The following CDC42BPA variants were observed in gnomAD, a reference collection of about 807,000 sequenced individuals.
CDC42BPA encodes the protein serine/threonine-protein kinase MRCK alpha.
In CDC42BPA, 80 loss-of-function variants were observed where a neutral mutation model predicts 223.5. The observed-to-expected ratio is 0.36, with a 90% CI of 0.30 to 0.43. The LOEUF (loss-of-function observed/expected upper bound fraction) is 0.43, where lower values mean the gene tolerates loss of function less well. Ranked by LOEUF, CDC42BPA falls within the 20% of genes least tolerant of loss-of-function variation. CDC42BPA has a pLI of 1.00. For synonymous variants in CDC42BPA, 694 were observed against 718.6 expected, an observed-to-expected ratio of 0.97 and a Z score of 0.55; for missense variants, 1,743 against 2,099.9, an observed-to-expected ratio of 0.83 and a Z score of 3.32.
At chr1:227,215,437 T>C (rs915975127) in intron 2 of CDC42BPA, among the ~76,000 whole-genome samples, 1 of 152,134 alleles carries the variant, frequency 6.6e-6, no homozygotes, top group Admixed American at 6.5e-5. Context: ...ATCATTGTGG[T>C]AAAGATTTGA....
chr1:227,206,596 C>T (rs974291160), intron 3 of CDC42BPA, among the ~76,000 whole-genome samples: 2 of 152,058 alleles, frequency 1.3e-5, no homozygotes, highest in African/African-American at 4.8e-5. Context: ...GTCTTGTTTT[C>T]CAAAGTTGGA....
At chr1:227,154,227 C>G (rs1662311674) in intron 6 of CDC42BPA, among the ~76,000 whole-genome samples, 2 of 151,688 alleles carry the variant, frequency 1.3e-5, no homozygotes, top group Non-Finnish European at 3.0e-5. Flanking sequence ...AGAATCATAA[C>G]AAAAAAACTC....
intron 21 of CDC42BPA, among the ~76,000 whole-genome samples, chr1:227,052,914 G>C (rs1673836855): frequency 6.6e-6 from 1 of 152,072 alleles, no homozygotes; most frequent in African/African-American, 2.4e-5. Flanking sequence ...TGGCAAAGTA[G>C]AACTATTAAA....
intron 20 of CDC42BPA, among the ~76,000 whole-genome samples, chr1:227,071,894 T>C (rs1329882497): frequency 2.0e-5 from 3 of 151,660 alleles, no homozygotes; most frequent in Admixed American, 6.6e-5. Context: ...TTTTTTCCAA[T>C]CACAAAAATG....
At chr1:227,190,120 A>C (rs1669471522) in intron 5 of CDC42BPA, among the ~76,000 whole-genome samples, 1 of 152,132 alleles carries the variant, frequency 6.6e-6, no homozygotes, top group Non-Finnish European at 1.5e-5. Context: ...ATTTTCCAAA[A>C]CTACTATTTA....
At position 227,181,280 on chromosome 1, in the gene CDC42BPA, T is replaced by C. The variant is rs541930076; in HGVS notation, c.599+12506A>G. Among the ~76,000 whole-genome samples, 5 of 152,320 alleles carry C rather than the reference T, an allele frequency of 3.3e-5. No individual in the cohort carries two copies. In the South Asian group the frequency reaches 1.0e-3, roughly 32 times the overall value. On this transcript the variant is annotated intron_variant, in intron 5 of 36. Transcript: ENST00000366766. ...TTAACACAGGGAAAAAAACCCACCA[T>C]TTTGTTAAAAAGCATAAAGATGGAC...
chr1:227,292,165 T>G (rs1456086769), intron 1 of CDC42BPA, among the ~76,000 whole-genome samples: 1 of 152,056 alleles, frequency 6.6e-6, no homozygotes, highest in Non-Finnish European at 1.5e-5. Context: ...GTATTCTTAG[T>G]AGAGATGGGG....
intron 14 of CDC42BPA, among the ~76,000 whole-genome samples, chr1:227,104,587 T>C (rs9426602): frequency 0.28 from 43,123 of 152,064 alleles, 6,335 homozygotes; most frequent in African/African-American, 0.35. Context: ...CTGTATTACC[T>C]TCAAATTCCT....
At chr1:227,279,046 T>G (rs889331421) in intron 1 of CDC42BPA, among the ~76,000 whole-genome samples, 2 of 152,114 alleles carry the variant, frequency 1.3e-5, no homozygotes, top group African/African-American at 2.4e-5. Context: ...TAATTTTTTT[T>G]ATTTAATGAA....
chr1:227,061,475 T>TG (rs1675915850), intron 21 of CDC42BPA, among the ~76,000 whole-genome samples: 1 of 152,214 alleles, frequency 6.6e-6, no homozygotes, highest in African/African-American at 2.4e-5. Flanking sequence ...AACTATTAAG[T>TG]GGTAGAGCCA....
At chr1:227,311,580 ACAAT>A (rs1053671376) in intron 1 of CDC42BPA, among the ~76,000 whole-genome samples, 4 of 152,208 alleles carry the variant, frequency 2.6e-5, no homozygotes, top group African/African-American at 7.2e-5. Flanking sequence ...TATACCTCTG[ACAAT>A]CAATCAAAGT....
chr1:227,302,826 T>C (rs1205360863), intron 1 of CDC42BPA, among the ~76,000 whole-genome samples: 1 of 152,142 alleles, frequency 6.6e-6, no homozygotes, highest in Non-Finnish European at 1.5e-5. Context: ...CTGTGGCTTT[T>C]TGCTCCACTT....
Position 226,992,567 on chromosome 1 carries a change from C to G in CDC42BPA, c.*1701G>C, listed in dbSNP as rs1660888494. ...CCTCAGTGACACAGACGTGGAGTCACAGACAGCAGCAGTGAAATGATGGCC... is the reference window on the plus strand; with the variant it reads ...CCTCAGTGACACAGACGTGGAGTCAGAGACAGCAGCAGTGAAATGATGGCC... On this transcript the variant is annotated 3_prime_UTR_variant, in exon 37 of 37. Coordinates refer to ENST00000366766, the MANE Select transcript of CDC42BPA (RefSeq NM_001394014.1). 1 of 152,252 alleles carries G rather than the reference C, an allele frequency of 6.6e-6. No homozygotes were observed. Among genetic ancestry groups the G allele is most frequent in the Non-Finnish European group, 1.5e-5 (1 of 68,044 alleles). The allele number at this position is 152,252 out of a possible 1,614,324, so 9.4% of individuals were successfully genotyped here. A position where few individuals can be genotyped will look rare whatever the true frequency, so the allele number is the denominator to read the frequency against.
At chr1:227,228,855 A>G (rs1677317784) in intron 2 of CDC42BPA, among the ~76,000 whole-genome samples, 1 of 152,172 alleles carries the variant, frequency 6.6e-6, no homozygotes, top group Admixed American at 6.5e-5. Context: ...CAAATCACTC[A>G]TCAATTTTTA....
At chr1:227,261,414 C>A (rs2148367104) in intron 1 of CDC42BPA, among the ~76,000 whole-genome samples, 1 of 150,858 alleles carries the variant, frequency 6.6e-6, no homozygotes, top group Non-Finnish European at 1.5e-5. Context: ...CTGCACCTAG[C>A]CTGAGTTATT....
intron 2 of CDC42BPA, among the ~76,000 whole-genome samples, chr1:227,225,264 C>T (rs1463785638): frequency 6.6e-6 from 1 of 152,058 alleles, no homozygotes; most frequent in East Asian, 1.9e-4. Context: ...TGTACCTCTC[C>T]CCCTTGCTGA....
intron 14 of CDC42BPA, among the ~76,000 whole-genome samples, chr1:227,103,861 A>G (rs1685453940): frequency 6.6e-6 from 1 of 152,132 alleles, no homozygotes; most frequent in Non-Finnish European, 1.5e-5. Flanking sequence ...ATCCAAAAGA[A>G]AGCAGAATTA....
chr1:227,259,124 T>C (rs2148343036), intron 1 of CDC42BPA, among the ~76,000 whole-genome samples: 1 of 151,146 alleles, frequency 6.6e-6, no homozygotes, highest in Admixed American at 6.6e-5. Context: ...CTGAGGTATC[T>C]GCCACGCCGC....
At chr1:227,205,279 A>C (rs1672473508) in intron 3 of CDC42BPA, among the ~76,000 whole-genome samples, 1 of 49,550 alleles carries the variant, frequency 2.0e-5, no homozygotes, top group African/African-American at 7.0e-5. Flanking sequence ...AAAAAAAAAA[A>C]AAAAATATAT....
Sources: allele counts gnomAD v4.1 joint callset (sites outside exome capture counted in the v4.1 genomes callset), GRCh38; gene constraint gnomAD v4.1.1; transcripts MANE v1.5; gene names NCBI Gene and HGNC (gene_info 2026-07-23, HGNC 2026-07-21).